The following ADCY7 variants were observed in gnomAD, a reference collection of about 807,000 sequenced individuals.
ADCY7 encodes adenylate cyclase type 7.
In ADCY7, 72 loss-of-function variants were observed where a neutral mutation model predicts 120.6. The observed-to-expected ratio is 0.60, with a 90% confidence interval of 0.49 to 0.73. The LOEUF (loss-of-function observed/expected upper bound fraction) is 0.73. Among genes scored for constraint, ADCY7 ranks in the 30% least tolerant of loss-of-function variants. ADCY7 has a pLI of 0.00. For synonymous variants in ADCY7, 661 were observed against 628.0 expected, an observed-to-expected ratio of 1.05 and a Z score of -0.78; for missense variants, 1,227 against 1,486.0, an observed-to-expected ratio of 0.83 and a Z score of 2.87.
Position 50,305,774 on chromosome 16 carries a change from C to G in ADCY7, c.1680-3C>G. ...ATCTCACCGCAGCTGCCCCCGCCCA[C>G]AGGCCCTGCTGCTCCAAGTCCGATG... On this transcript the variant is annotated splice_region_variant and splice_polypyrimidine_tract_variant and intron_variant, in intron 13 of 25. Transcript: ENST00000673801. 1 of 1,613,932 alleles carries G rather than the reference C, an allele frequency of 6.2e-7. No individual in the cohort carries two copies. The highest frequency in any genetic ancestry group is 8.5e-7 in the Non-Finnish European group (1 of 1,179,948).
chr16:50,263,406 A>G (rs956376251), upstream of ADCY7, among the ~76,000 whole-genome samples: 2 of 152,118 alleles, frequency 1.3e-5, no homozygotes, highest in African/African-American at 4.8e-5. Flanking sequence ...TCACCGCCAC[A>G]TCTTCCAAGG....
Position 50,291,798 on chromosome 16 carries a change from C to G in ADCY7, c.438C>G (p.Gly146=), listed in dbSNP as rs777018669. The G allele has an allele frequency of 6.2e-7, 1 of 1,614,092 alleles. No homozygotes were observed. The highest frequency in any genetic ancestry group is 8.5e-7 in the Non-Finnish European group (1 of 1,179,986). Residue 146 remains glycine, a synonymous_variant, in exon 4 of 26, where the codon GGC becomes GGG. Transcript: ENST00000673801. ...CACTACTGCCCTTCAGCATGCGGGG[C>G]GCTGTCGCCGTTGGGGCCGTCTCCA... is the stretch of plus-strand genomic sequence containing the variant. ...VYTLLPFSMR[G]AVAVGAVSTA...
Position 50,308,313 on chromosome 16 carries a change from T to C in ADCY7, c.1851-14T>C, listed in dbSNP as rs778263808. 14 of 1,614,024 alleles carry C rather than the reference T, an allele frequency of 8.7e-6. No homozygotes were observed. The Admixed American group carries it at 2.3e-4, about 27-fold the overall frequency. On this transcript the variant is annotated splice_polypyrimidine_tract_variant and intron_variant, in intron 15 of 25. Coordinates refer to ENST00000673801, the MANE Select transcript of ADCY7 (RefSeq NM_001114.5). ...AGGCCCTAGGCAGAACTGAGGTTCT[T>C]CCCTCCTCTCCAGGACGGCGGCACT...
At chr16:50,271,764 C>T (rs1403468975) in intron 1 of ADCY7, among the ~76,000 whole-genome samples, 1 of 152,164 alleles carries the variant, frequency 6.6e-6, no homozygotes, top group Non-Finnish European at 1.5e-5. Context: ...TGCTGCTTGG[C>T]TGTGTCCTCC....
rs564086461 is a variant in ADCY7, at chr16:50,267,724, A to T, written c.-269+1044A>T. Among the ~76,000 whole-genome samples the T allele has an allele frequency of 1.2e-4, 18 of 152,298 alleles. No homozygotes were observed. The East Asian group carries it at 3.3e-3, about 28-fold the overall frequency. ...TAAGTATTTGTCTTGGGGAAAAAAA[A>T]ATCTGTAAATAGGACATTGCCATTG... is the stretch of plus-strand genomic sequence containing the variant. On this transcript the variant is annotated intron_variant, in intron 1 of 25. Coordinates refer to ENST00000673801, the MANE Select transcript of ADCY7 (RefSeq NM_001114.5).
intron 10 of ADCY7, chr16:50,301,715 G>A (rs1290860459): frequency 1.2e-5 from 2 of 162,220 alleles, no homozygotes; most frequent in Middle Eastern, 3.0e-3. Context: ...CAGTTCCACT[G>A]CCCTGGCCAG....
Position 50,307,085 on chromosome 16 carries a change from CTT to C in ADCY7, c.1790_1791del (p.Phe597CysfsTer62). On this transcript the variant is annotated frameshift_variant, in exon 15 of 26. Transcript: ENST00000673801. LOFTEE classifies it high-confidence loss of function. ...CACCCATCCCCCGGGCCCGCCACGA[CTT>C]TGCCTGCGCCAGCCTGATCTTCGTC... Reference protein sequence around the residue: ...LAPIPRARHDFACASLIFVCI... With the variant: ...LAPIPRARHDXACASLIFVCI... 2 of 1,611,564 alleles carry C rather than the reference CTT, an allele frequency of 1.2e-6. No homozygotes were observed. The highest frequency in any genetic ancestry group is 1.7e-6 in the Non-Finnish European group (2 of 1,179,998).
In ADCY7 at chr16:50,283,526, G is replaced by C. The variant is rs2034403812; in HGVS notation, c.-268-4386G>C. 1.3e-5 allele frequency among the ~76,000 whole-genome samples: 2 copies of C among 152,264 alleles called. 1 individual carries two copies. Among genetic ancestry groups the C allele is most frequent in the Admixed American group, 1.3e-4 (2 of 15,290 alleles). ...GGGACTTTGCTGATTGGCCACACTG[G>C]GGTCATGTGGCCCATGAACCAGGGT... On this transcript the variant is annotated intron_variant, in intron 1 of 25. Transcript: ENST00000673801.
chr16:50,253,840 C>T (rs2032831960), intron 1 of ADCY7, among the ~76,000 whole-genome samples: 1 of 152,146 alleles, frequency 6.6e-6, no homozygotes, highest in Non-Finnish European at 1.5e-5. Context: ...CTGGTGGGGA[C>T]TGGAGGCCAG....
intron 8 of ADCY7, among the ~76,000 whole-genome samples, chr16:50,300,417 A>C (rs972156125): frequency 2.0e-5 from 3 of 152,130 alleles, no homozygotes; most frequent in African/African-American, 7.2e-5. Flanking sequence ...GGCAGGGAAA[A>C]CACCCAGTGA....
intron 1 of ADCY7, among the ~76,000 whole-genome samples, chr16:50,270,814 C>A (rs1227558886): frequency 6.6e-6 from 1 of 152,348 alleles, no homozygotes; most frequent in East Asian, 1.9e-4. Flanking sequence ...TGGGTGAAAA[C>A]CCTTCCCAGG....
At chr16:50,251,856 C>T (rs2032766680) in intron 1 of ADCY7, among the ~76,000 whole-genome samples, 1 of 152,240 alleles carries the variant, frequency 6.6e-6, no homozygotes, top group Non-Finnish European at 1.5e-5. Context: ...TTCTCCCCTT[C>T]CCCGGCCTGC....
chr16:50,305,901 G>C, intron 14 of ADCY7, 52 bp downstream of exon 14: 1 of 1,570,076 alleles, frequency 6.4e-7, no homozygotes, highest in Non-Finnish European at 8.8e-7. Context: ...TCCAGGCCTG[G>C]GGTAGGGTGG....
At chr16:50,283,352 T>A (rs2034392425) in intron 1 of ADCY7, among the ~76,000 whole-genome samples, 1 of 152,230 alleles carries the variant, frequency 6.6e-6, no homozygotes, top group Admixed American at 6.5e-5. Flanking sequence ...CATGTTGGTG[T>A]CAGTTTCAGG....
chr16:50,276,612 G>A (rs1004587695), intron 1 of ADCY7, among the ~76,000 whole-genome samples: 2 of 152,198 alleles, frequency 1.3e-5, no homozygotes, highest in Non-Finnish European at 2.9e-5. Context: ...TTATGAATGA[G>A]TGAGATGGAG....
rs1485696101 is a variant in ADCY7, at chr16:50,305,774, C to T, written c.1680-3C>T. 2 of 1,613,932 alleles carry T rather than the reference C, an allele frequency of 1.2e-6. No homozygotes were observed. Among genetic ancestry groups the T allele is most frequent in the South Asian group, 2.2e-5 (2 of 91,082 alleles). On this transcript the variant is annotated splice_region_variant and splice_polypyrimidine_tract_variant and intron_variant, in intron 13 of 25. Coordinates refer to ENST00000673801, the MANE Select transcript of ADCY7 (RefSeq NM_001114.5). The stretch of plus-strand genomic sequence containing the variant: ...ATCTCACCGCAGCTGCCCCCGCCCA[C>T]AGGCCCTGCTGCTCCAAGTCCGATG...
intron 1 of ADCY7, among the ~76,000 whole-genome samples, chr16:50,278,872 C>T (rs66967705): frequency 0.026 from 2,540 of 96,416 alleles, 107 homozygotes; most frequent in African/African-American, 0.09. Context: ...CTCTCTCTCT[C>T]TCTTTTTTTT....
At chr16:50,314,462 C>T (rs2036678806) in intron 24 of ADCY7, 56 bp downstream of exon 24, 1 of 1,354,982 alleles carries the variant, frequency 7.4e-7, no homozygotes, top group Non-Finnish European at 1.0e-6. Context: ...CCAGTCCACC[C>T]AGTCTGTGTG....
At chr16:50,276,771 T>C (rs1157140692) in intron 1 of ADCY7, among the ~76,000 whole-genome samples, 1 of 152,110 alleles carries the variant, frequency 6.6e-6, no homozygotes, top group Non-Finnish European at 1.5e-5. Context: ...GTTTTAAAAT[T>C]TTTTTAGAGA....
Sources: allele counts gnomAD v4.1 joint callset (sites outside exome capture counted in the v4.1 genomes callset), GRCh38; gene constraint gnomAD v4.1.1; transcripts MANE v1.5; gene names NCBI Gene and HGNC (gene_info 2026-07-23, HGNC 2026-07-21).